Variants in FSIP1 observed in about 807,000 individuals in gnomAD.
The protein encoded by FSIP1 is fibrous sheath-interacting protein 1.
Under a neutral mutation model 60.9 loss-of-function variants are expected in FSIP1, and 65 were observed. The ratio of observed to expected loss-of-function variants is 1.07; its 90% CI spans 0.87 to 1.31. The LOEUF (loss-of-function observed/expected upper bound fraction) is 1.31. Ranked by LOEUF, FSIP1 falls within the 40% of genes most tolerant of loss-of-function variation. The pLI, the probability that FSIP1 is intolerant of heterozygous loss-of-function variation, is 0.00. For synonymous variants in FSIP1, 209 were observed against 221.2 expected (o/e 0.94, Z 0.49); for missense variants, 675 against 665.5 (o/e 1.01, Z -0.16).
chr15:39,612,477 T>G (rs913259635), intron 11 of FSIP1, among the ~76,000 whole-genome samples: 1 of 151,884 alleles, frequency 6.6e-6, no homozygotes, highest in African/African-American at 2.4e-5. Context: ...ATATCAAAAC[T>G]AATGGGATGC....
At chr15:39,709,565 A>G (rs1316166912) in intron 10 of FSIP1, among the ~76,000 whole-genome samples, 1 of 152,008 alleles carries the variant, frequency 6.6e-6, no homozygotes, top group Non-Finnish European at 1.5e-5. Flanking sequence ...ATCTCTGGCA[A>G]AAGAACAGAG....
At chr15:39,681,628 A>G (rs970698672) in intron 10 of FSIP1, among the ~76,000 whole-genome samples, 2 of 152,226 alleles carry the variant, frequency 1.3e-5, no homozygotes, top group African/African-American at 4.8e-5. Flanking sequence ...AAAGCAGCTT[A>G]TAACAACAAC....
intron 10 of FSIP1, among the ~76,000 whole-genome samples, chr15:39,651,253 A>C (rs1294175241): frequency 2.0e-5 from 3 of 152,258 alleles, no homozygotes; most frequent in African/African-American, 7.2e-5. Flanking sequence ...TCCAGAGCCC[A>C]CTGGAAAAAG....
At chr15:39,744,240 A>C (rs905199264) in intron 5 of FSIP1, among the ~76,000 whole-genome samples, 9 of 152,234 alleles carry the variant, frequency 5.9e-5, no homozygotes, top group African/African-American at 1.9e-4. Flanking sequence ...AAAGTTAATA[A>C]GAAAATTTTA....
At chr15:39,699,823 T>C (rs1404053217) in intron 10 of FSIP1, among the ~76,000 whole-genome samples, 2 of 152,162 alleles carry the variant, frequency 1.3e-5, no homozygotes, top group East Asian at 1.9e-4. Context: ...AGAACCACTG[T>C]CTGTTTTTCA....
rs368989084 is a variant in FSIP1 at position 39,617,000 on chromosome 15, C to G, written c.1699+735G>C. Among the ~76,000 whole-genome samples the G allele has an allele frequency of 2.6e-5, 4 of 152,044 alleles. No individual in the cohort carries two copies. The East Asian group carries it at 7.7e-4, about 29-fold the overall frequency. On this transcript the variant is annotated intron_variant, in intron 11 of 11. Coordinates refer to ENST00000350221, the MANE Select transcript of FSIP1 (RefSeq NM_152597.5). ...TGACTCAGATTTTGCTCCTGGGTGACTAAGGAAATGGAAGTCAAAACCGAA... is the reference window on the plus strand; with the variant it reads ...TGACTCAGATTTTGCTCCTGGGTGAGTAAGGAAATGGAAGTCAAAACCGAA...
At chr15:39,603,694 T>G (rs1026848547) in intron 11 of FSIP1, among the ~76,000 whole-genome samples, 8 of 152,132 alleles carry the variant, frequency 5.3e-5, no homozygotes, top group African/African-American at 1.7e-4. Context: ...CACAAGACAA[T>G]GTGGATGCAG....
downstream of FSIP1, chr15:39,597,813 G>C (rs1232517307): frequency 6.6e-6 from 1 of 152,094 alleles, no homozygotes; most frequent in African/African-American, 2.4e-5. Flanking sequence ...AAAACAAAGG[G>C]AAAAACACTG....
chr15:39,771,700 C>G (rs1465124230), intron 2 of FSIP1, among the ~76,000 whole-genome samples: 1 of 152,168 alleles, frequency 6.6e-6, no homozygotes, highest in Non-Finnish European at 1.5e-5. Context: ...ACAGACCTAG[C>G]AGAAAACGAA....
At chr15:39,742,582 G>C (rs1446794191) in intron 5 of FSIP1, among the ~76,000 whole-genome samples, 2 of 152,126 alleles carry the variant, frequency 1.3e-5, no homozygotes, top group Non-Finnish European at 2.9e-5. Context: ...AATCTGCCAG[G>C]TTGCAGCACA....
intron 10 of FSIP1, among the ~76,000 whole-genome samples, chr15:39,685,450 A>G (rs1428016495): frequency 6.6e-6 from 1 of 152,192 alleles, no homozygotes; most frequent in Non-Finnish European, 1.5e-5. Context: ...ACAAACACAC[A>G]TAGAAAGCCT....
intron 3 of FSIP1, among the ~76,000 whole-genome samples, chr15:39,769,775 A>G (rs558672681): frequency 2.8e-4 from 43 of 152,310 alleles, no homozygotes; most frequent in African/African-American, 9.4e-4. Flanking sequence ...CTACTAGTAC[A>G]TTTTGGTGCC....
chr15:39,686,181 A>G (rs1894367227), intron 10 of FSIP1, among the ~76,000 whole-genome samples: 1 of 152,202 alleles, frequency 6.6e-6, no homozygotes, highest in Non-Finnish European at 1.5e-5. Context: ...CCCAATTTCC[A>G]CTGGCAAGAA....
intron 10 of FSIP1, among the ~76,000 whole-genome samples, chr15:39,630,939 C>A (rs983634486): frequency 6.6e-6 from 1 of 152,178 alleles, no homozygotes; most frequent in Non-Finnish European, 1.5e-5. Context: ...AGTGTATAAA[C>A]AAGAATCCCT....
chr15:39,704,422 T>G (rs969809684), intron 10 of FSIP1, among the ~76,000 whole-genome samples: 5 of 152,368 alleles, frequency 3.3e-5, no homozygotes, highest in African/African-American at 1.2e-4. Context: ...GTGGAAAAGA[T>G]GTATATCCGG....
intron 10 of FSIP1, among the ~76,000 whole-genome samples, chr15:39,642,694 A>G (rs1459161814): frequency 6.6e-6 from 1 of 152,238 alleles, no homozygotes; most frequent in African/African-American, 2.4e-5. Context: ...GGAAGATACA[A>G]AACAAACTTT....
intron 5 of FSIP1, among the ~76,000 whole-genome samples, chr15:39,756,696 C>G (rs888380693): frequency 6.6e-6 from 1 of 151,924 alleles, no homozygotes; most frequent in Non-Finnish European, 1.5e-5. Flanking sequence ...AATATCCATC[C>G]TAAGAATTTC....
chr15:39,772,442 T>A lies in FSIP1; in HGVS notation c.127-1832A>T, dbSNP rs182114641. ...CTGACTAGCTGGAACCACAGGCGCA[T>A]GCCACCACACCCAGCTAATTTTTGT... On this transcript the variant is annotated intron_variant, in intron 2 of 11. Coordinates refer to ENST00000350221, the MANE Select transcript of FSIP1 (RefSeq NM_152597.5). 5.1e-4 allele frequency among the ~76,000 whole-genome samples: 77 copies of A among 151,370 alleles called. 1 individual carries two copies. The Middle Eastern group carries it at 0.014, about 27-fold the overall frequency.
chr15:39,681,967 T>C (rs1894181462), intron 10 of FSIP1, among the ~76,000 whole-genome samples: 1 of 152,234 alleles, frequency 6.6e-6, no homozygotes, highest in Admixed American at 6.5e-5. Context: ...AAATGAATTG[T>C]GTGTCCAGAC....
Sources: gnomAD v4.1 joint callset for allele counts (sites outside exome capture counted in the v4.1 genomes callset) on GRCh38, gnomAD v4.1.1 for gene constraint, MANE v1.5 for transcripts, NCBI Gene and HGNC (gene_info 2026-07-23, HGNC 2026-07-21) for gene names.